Variants in CNTNAP2 observed in about 807,000 individuals in gnomAD.
CNTNAP2 encodes the protein contactin-associated protein-like 2.
In CNTNAP2, 98 loss-of-function variants were observed where a neutral mutation model predicts 155.2. The ratio of observed to expected loss-of-function variants is 0.63; its 90% CI spans 0.54 to 0.75. CNTNAP2 has a LOEUF of 0.75. CNTNAP2 is among the 30% of genes least tolerant of loss of function. CNTNAP2 has a pLI of 0.00. For synonymous variants in CNTNAP2, 651 were observed against 631.2 expected, an observed-to-expected ratio of 1.03 and a Z score of -0.47; for missense variants, 1,727 against 1,688.1, an observed-to-expected ratio of 1.02 and a Z score of -0.40.
At chr7:147,410,212 C>T (rs1047253513) in intron 10 of CNTNAP2, among the ~76,000 whole-genome samples, 5 of 152,138 alleles carry the variant, frequency 3.3e-5, no homozygotes, top group Admixed American at 6.5e-5. Context: ...GCAGCCATAA[C>T]AAATAATAAG....
chr7:148,420,256 TGGCTTATACATA>T lies in CNTNAP2; in HGVS notation c.*4644_*4655del, dbSNP rs1460426579. ...ACACATGCCCTCAAACATGCTAGAT[TGGCTTATACATA>T]GGCCAACACAAAATACAAACGTGAC... On this transcript the variant is annotated 3_prime_UTR_variant, in exon 24 of 24. Transcript: ENST00000361727. The T allele has an allele frequency of 2.6e-5, 4 of 152,256 alleles. No homozygotes were observed. The highest frequency in any genetic ancestry group is 6.5e-5 in the Admixed American group (1 of 15,290). 9.4% of individuals were successfully genotyped at this position (152,256 alleles called of 1,614,324 possible).
chr7:147,087,832 C>T (rs992932186), intron 4 of CNTNAP2, among the ~76,000 whole-genome samples: 1 of 152,056 alleles, frequency 6.6e-6, no homozygotes, highest in Non-Finnish European at 1.5e-5. Flanking sequence ...CAAAAATTAG[C>T]TGGGCATGGT....
rs1450570736 is a variant in CNTNAP2, at chr7:146,795,343, A to G, written c.208+20962A>G. 3.3e-5 allele frequency among the ~76,000 whole-genome samples: 5 copies of G among 152,336 alleles called. No homozygotes were observed. The East Asian group carries it at 9.7e-4, about 29-fold the overall frequency. Reference sequence around the variant, plus strand: ...CCTGAGTTTACTTAGTATTCTCCACAGTATACTCTGACCTCGCAAATCAAC... The same window carrying G: ...CCTGAGTTTACTTAGTATTCTCCACGGTATACTCTGACCTCGCAAATCAAC... On this transcript the variant is annotated intron_variant, in intron 2 of 23. Coordinates refer to ENST00000361727, the MANE Select transcript of CNTNAP2 (RefSeq NM_014141.6).
At chr7:146,181,899 T>A (rs1352661751) in intron 1 of CNTNAP2, among the ~76,000 whole-genome samples, 1 of 152,188 alleles carries the variant, frequency 6.6e-6, no homozygotes, top group East Asian at 1.9e-4. Flanking sequence ...TGTTTCTTTT[T>A]CAGGAGCTGA....
At chr7:147,034,760 ACT>A (rs1799115191) in intron 3 of CNTNAP2, among the ~76,000 whole-genome samples, 1 of 151,482 alleles carries the variant, frequency 6.6e-6, no homozygotes, top group African/African-American at 2.4e-5. Flanking sequence ...CAGCTGCCAG[ACT>A]CTCCTCCAGC....
chr7:147,303,536 C>T (rs573003795), intron 9 of CNTNAP2, among the ~76,000 whole-genome samples: 53 of 152,110 alleles, frequency 3.5e-4, no homozygotes, highest in Non-Finnish European at 6.0e-4. Flanking sequence ...AAGTAGGATT[C>T]AAATGTTAAA....
At chr7:147,939,736 A>G (rs1800681886) in intron 14 of CNTNAP2, among the ~76,000 whole-genome samples, 2 of 152,158 alleles carry the variant, frequency 1.3e-5, no homozygotes, top group Admixed American at 6.5e-5. Flanking sequence ...GCTAAGTATC[A>G]TTATATTCTG....
intron 4 of CNTNAP2, among the ~76,000 whole-genome samples, chr7:147,091,876 G>C (rs541869937): frequency 6.6e-6 from 1 of 152,208 alleles, no homozygotes; most frequent in Non-Finnish European, 1.5e-5. Context: ...AAAGTGCTGG[G>C]ATTACAGGCG....
intron 21 of CNTNAP2, among the ~76,000 whole-genome samples, chr7:148,293,030 A>T (rs1427454321): frequency 2.0e-5 from 3 of 151,348 alleles, no homozygotes; most frequent in Non-Finnish European, 4.4e-5. Context: ...AGATTTTTTG[A>T]GGGAGCACAG....
intron 8 of CNTNAP2, among the ~76,000 whole-genome samples, chr7:147,136,198 A>C (rs1801473992): frequency 6.6e-6 from 1 of 151,934 alleles, no homozygotes; most frequent in Admixed American, 6.6e-5. Context: ...GATTTATCTT[A>C]ATATTCTCTC....
At chr7:147,396,959 T>C (rs903252644) in intron 10 of CNTNAP2, among the ~76,000 whole-genome samples, 2 of 152,066 alleles carry the variant, frequency 1.3e-5, no homozygotes, top group African/African-American at 4.8e-5. Context: ...GGAAATACTT[T>C]AAGAAGTCAC....
intron 1 of CNTNAP2, among the ~76,000 whole-genome samples, chr7:146,409,271 C>A (rs1269309710): frequency 1.3e-5 from 2 of 152,034 alleles, no homozygotes; most frequent in African/African-American, 4.8e-5. Context: ...TAAGATGACA[C>A]CTTTTATAAT....
intron 1 of CNTNAP2, among the ~76,000 whole-genome samples, chr7:146,701,533 A>G (rs1800877792): frequency 6.6e-6 from 1 of 152,138 alleles, no homozygotes; most frequent in Non-Finnish European, 1.5e-5. Flanking sequence ...TTACTTTTTG[A>G]TGTAACTTAT....
chr7:147,856,181 T>C (rs890492554), intron 13 of CNTNAP2, among the ~76,000 whole-genome samples: 3 of 151,818 alleles, frequency 2.0e-5, no homozygotes, highest in Non-Finnish European at 4.4e-5. Flanking sequence ...CCATATAGGG[T>C]TTCTTGTTCA....
At chr7:148,404,882 A>G (rs1799662562) in intron 22 of CNTNAP2, among the ~76,000 whole-genome samples, 2 of 152,168 alleles carry the variant, frequency 1.3e-5, no homozygotes, top group African/African-American at 4.8e-5. Context: ...TTACCTCTTC[A>G]ACATTCAGAT....
intron 8 of CNTNAP2, among the ~76,000 whole-genome samples, chr7:147,222,695 G>A (rs1300729479): frequency 2.0e-5 from 3 of 151,814 alleles, no homozygotes; most frequent in Non-Finnish European, 1.5e-5. Context: ...CAGGCCTTTA[G>A]TAATGTGGTG....
chr7:147,302,595 C>A (rs1469252090), intron 9 of CNTNAP2, among the ~76,000 whole-genome samples: 1 of 152,178 alleles, frequency 6.6e-6, no homozygotes, highest in Admixed American at 6.5e-5. Context: ...GGCTCTCAGG[C>A]CCCACCTCTG....
At position 146,664,980 on chromosome 7, in the gene CNTNAP2, C is replaced by T. The variant is rs1585031934; in HGVS notation, c.98-109291C>T. On this transcript the variant is annotated intron_variant, in intron 1 of 23. Coordinates refer to ENST00000361727, the MANE Select transcript of CNTNAP2 (RefSeq NM_014141.6). Reference sequence around the variant, plus strand: ...TGTTTTGTTTTGTTTGAGATGGAGTCTTGCTCTCGCCCAGCTGGAGTGCAG... The same window carrying T: ...TGTTTTGTTTTGTTTGAGATGGAGTTTTGCTCTCGCCCAGCTGGAGTGCAG... Among the ~76,000 whole-genome samples the T allele has an allele frequency of 2.0e-5, 3 of 152,058 alleles. 1 individual carries two copies. In the South Asian group the frequency reaches 6.2e-4, roughly 32 times the overall value.
At chr7:147,273,292 A>G (rs1003001992) in intron 8 of CNTNAP2, among the ~76,000 whole-genome samples, 2 of 152,154 alleles carry the variant, frequency 1.3e-5, no homozygotes, top group African/African-American at 2.4e-5. Flanking sequence ...TAAAATTAAT[A>G]ATTATGGTAG....
Sources: gnomAD v4.1 joint callset for allele counts (sites outside exome capture counted in the v4.1 genomes callset) on GRCh38, gnomAD v4.1.1 for gene constraint, MANE v1.5 for transcripts, NCBI Gene and HGNC (gene_info 2026-07-23, HGNC 2026-07-21) for gene names.